HSH2D: variants seen among roughly 807,000 people sequenced by gnomAD.
HSH2D encodes the protein hematopoietic SH2 domain containing.
HSH2D carries 16 observed loss-of-function variants against 21.5 expected under a neutral mutation model. The observed-to-expected ratio is 0.74, with a 90% confidence interval of 0.50 to 1.13. The LOEUF is 1.13. Ranked by LOEUF, HSH2D falls within the 50% of genes most tolerant of loss-of-function variation. The probability of loss-of-function intolerance (pLI) is 0.00; values close to 1 mark genes in which losing one functional copy is unlikely to be tolerated. For synonymous variants in HSH2D, 172 were observed against 184.7 expected (o/e 0.93, Z 0.56); for missense variants, 418 against 441.4 (o/e 0.95, Z 0.47).
At chr19:16,146,980 C>G (rs2091080098) in intron 1 of HSH2D, among the ~76,000 whole-genome samples, 2 of 151,816 alleles carry the variant, frequency 1.3e-5, no homozygotes, top group Admixed American at 1.3e-4. Flanking sequence ...CACCCACCAC[C>G]TCATCTGGCT....
chr19:16,142,104 T>C (rs555655096), upstream of HSH2D: 2 of 152,012 alleles, frequency 1.3e-5, no homozygotes, highest in Non-Finnish European at 2.9e-5. Flanking sequence ...GTTAGTCAAT[T>C]AATAAAAATA....
intron 1 of HSH2D, among the ~76,000 whole-genome samples, chr19:16,144,710 T>TTA (rs5827320): frequency 7.0e-6 from 1 of 142,014 alleles, no homozygotes; most frequent in Non-Finnish European, 1.5e-5. Context: ...TTTTTTTTTT[T>TTA]GAGACGGAGT....
chr19:16,137,932 A>G (rs564401645), intron 1 of HSH2D, among the ~76,000 whole-genome samples: 1 of 151,822 alleles, frequency 6.6e-6, no homozygotes, highest in East Asian at 2.0e-4. Context: ...GCAGTGGTGC[A>G]ATCTTGGCTC....
At position 16,158,032 on chromosome 19, in the gene HSH2D, C is replaced by G; in HGVS notation, c.*238C>G. ...TTGGGGCACCAGCTATACATCAGCCCCAGTGCCAGACCTTCTATTCATTAT... is the reference window on the plus strand; with the variant it reads ...TTGGGGCACCAGCTATACATCAGCCGCAGTGCCAGACCTTCTATTCATTAT... On this transcript the variant is annotated 3_prime_UTR_variant, in exon 6 of 6. Transcript: ENST00000613986. 2.0e-6 allele frequency: 1 copy of G among 488,972 alleles called. No homozygotes were observed. Among genetic ancestry groups the G allele is most frequent in the Non-Finnish European group, 3.6e-6 (1 of 277,166 alleles). The allele number at this position is 488,972 out of a possible 1,614,324, so 30.3% of individuals were successfully genotyped here.
rs759064521 is a variant in HSH2D at position 16,153,038 on chromosome 19, C to T, written c.216-5C>T. ...GATGTCCCAGCCCCCGCAGTGTCTC[C>T]GCAGAGCCCAAAGCAGCTGCTGCCA... On this transcript the variant is annotated splice_region_variant and splice_polypyrimidine_tract_variant and intron_variant, in intron 3 of 5. Coordinates refer to ENST00000613986, the MANE Select transcript of HSH2D (RefSeq NM_001382417.1). The T allele has an allele frequency of 1.2e-5, 20 of 1,608,042 alleles. No homozygotes were observed. The highest frequency in any genetic ancestry group is 1.7e-4 in the Middle Eastern group (1 of 6,016).
At chr19:16,134,624 C>T (rs1478896585) in intron 1 of HSH2D, among the ~76,000 whole-genome samples, 1 of 152,132 alleles carries the variant, frequency 6.6e-6, no homozygotes, top group East Asian at 1.9e-4. Flanking sequence ...CTCATCGGCA[C>T]CGTAAGCATA....
chr19:16,149,188 A>C (rs542124091), intron 2 of HSH2D, among the ~76,000 whole-genome samples: 1 of 152,264 alleles, frequency 6.6e-6, no homozygotes, highest in East Asian at 1.9e-4. Context: ...CGATGGCAGC[A>C]TGCAGCCTCA....
chr19:16,150,732 C>T (rs547964322), intron 2 of HSH2D, among the ~76,000 whole-genome samples: 1 of 151,718 alleles, frequency 6.6e-6, no homozygotes, highest in Non-Finnish European at 1.5e-5. Flanking sequence ...GTGGAACATG[C>T]CTGTGGTTCT....
At chr19:16,154,356 C>T in intron 4 of HSH2D, 43 bp from the exon 5 acceptor site, 2 of 1,386,752 alleles carry the variant, frequency 1.4e-6, no homozygotes, top group Non-Finnish European at 2.0e-6. Context: ...CAGGACCTTT[C>T]CCCCTCCCTA....
At chr19:16,135,529 C>G (rs1312106160) in intron 1 of HSH2D, among the ~76,000 whole-genome samples, 6 of 152,180 alleles carry the variant, frequency 3.9e-5, no homozygotes, top group Non-Finnish European at 8.8e-5. Flanking sequence ...GCAGCCATAG[C>G]CCTGCCTACT....
Position 16,157,224 on chromosome 19 carries a change from AGTCCT to A in HSH2D, c.492_496del (p.Leu165SerfsTer135). ...CTCATTTTCAGGCCTCCCCAAAGCCAGTCCTGTGTCACCAATCAAAGGAAAGGAAG... is the reference window on the plus strand; with the variant it reads ...CTCATTTTCAGGCCTCCCCAAAGCCAGTGTCACCAATCAAAGGAAAGGAAG... On this transcript the variant is annotated frameshift_variant, in exon 6 of 6. Coordinates refer to ENST00000613986, the MANE Select transcript of HSH2D (RefSeq NM_001382417.1). LOFTEE classifies it low-confidence loss of function (END_TRUNC). This position sits in a 1 kb window ranked among gnomAD's most constrained non-coding sequence, Gnocchi z 4.4. 3 of 1,542,628 alleles carry A rather than the reference AGTCCT, an allele frequency of 1.9e-6. No homozygotes were observed. Among genetic ancestry groups the A allele is most frequent in the Non-Finnish European group, 2.6e-6 (3 of 1,146,278 alleles).
chr19:16,152,860 G>T, intron 3 of HSH2D, 183 bp from the exon 4 acceptor site: 1 of 795,644 alleles, frequency 1.3e-6, no homozygotes. Context: ...TTATAAATGG[G>T]GGAAACTGAG....
intron 1 of HSH2D, among the ~76,000 whole-genome samples, chr19:16,137,366 A>G (rs1335962677): frequency 6.6e-6 from 1 of 152,018 alleles, no homozygotes; most frequent in Non-Finnish European, 1.5e-5. Context: ...GGTAGCTCAC[A>G]CCTATAATCC....
chr19:16,137,857 G>A (rs999925945), intron 1 of HSH2D, among the ~76,000 whole-genome samples: 1 of 152,022 alleles, frequency 6.6e-6, no homozygotes, highest in Non-Finnish European at 1.5e-5. Context: ...TTACAGGTGT[G>A]AGCCACCACA....
chr19:16,156,459 C>T (rs2091238841), intron 5 of HSH2D, among the ~76,000 whole-genome samples: 2 of 152,182 alleles, frequency 1.3e-5, no homozygotes. Flanking sequence ...ACTGGGATTA[C>T]AGGCATGAGC....
chr19:16,134,563 G>A (rs980355001), intron 1 of HSH2D, among the ~76,000 whole-genome samples: 40 of 152,110 alleles, frequency 2.6e-4, no homozygotes, highest in South Asian at 8.3e-4. Context: ...TGCAAATCCA[G>A]GCCAGACCCA....
chr19:16,152,656 G>A lies in HSH2D; in HGVS notation c.215+15G>A, dbSNP rs932905784. ...CTCTCCTACAAGTAAGGCCTGGGCC[G>A]GGATCCAGGGCAGGGGCAGGTGGGC... is the stretch of plus-strand genomic sequence containing the variant. On this transcript the variant is annotated intron_variant, in intron 3 of 5. Transcript: ENST00000613986. 1.6e-5 allele frequency: 24 copies of A among 1,538,520 alleles called. No individual in the cohort carries two copies. The highest frequency in any genetic ancestry group is 9.6e-5 in the African/African-American group (7 of 72,944).
upstream of HSH2D, chr19:16,142,047 C>G (rs966487997): frequency 6.6e-6 from 1 of 152,196 alleles, no homozygotes; most frequent in Non-Finnish European, 1.5e-5. Context: ...GATCATACCA[C>G]TGCACTCCAG....
chr19:16,149,833 G>A (rs1234037200), intron 2 of HSH2D, among the ~76,000 whole-genome samples: 1 of 151,560 alleles, frequency 6.6e-6, no homozygotes, highest in African/African-American at 2.4e-5. Flanking sequence ...TGCCGGCCTC[G>A]GCCTCCCAAA....
Sources: allele counts gnomAD v4.1 joint callset (sites outside exome capture counted in the v4.1 genomes callset), GRCh38; gene constraint gnomAD v4.1.1; non-coding constraint Gnocchi (gnomAD v3.1); transcripts MANE v1.5; gene names NCBI Gene and HGNC (gene_info 2026-07-23, HGNC 2026-07-21).